BCAS3: variants seen among roughly 807,000 people sequenced by gnomAD.
BCAS3 encodes the protein BCAS4/BCAS3 fusion.
In BCAS3, 53 loss-of-function variants were observed where a neutral mutation model predicts 116.1. That is an observed-to-expected ratio of 0.46 (90% CI 0.37 to 0.57). The LOEUF is 0.57. Among genes scored for constraint, BCAS3 ranks in the 20% least tolerant of loss-of-function variants. BCAS3 has a pLI of 0.00. For synonymous variants in BCAS3, 391 were observed against 408.2 expected, an observed-to-expected ratio of 0.96 and a Z score of 0.51; for missense variants, 917 against 1,165.4, an observed-to-expected ratio of 0.79 and a Z score of 3.10.
intron 4 of BCAS3, among the ~76,000 whole-genome samples, chr17:60,704,150 G>A (rs960083943): frequency 2.0e-5 from 3 of 152,114 alleles, no homozygotes; most frequent in African/African-American, 7.2e-5. Context: ...GGCAGCAGGG[G>A]AGTTCCCAGA....
In BCAS3 at chr17:61,180,809, G is replaced by A. The variant is rs1021716157; in HGVS notation, c.2425+96245G>A. On this transcript the variant is annotated intron_variant, in intron 22 of 23. Coordinates refer to ENST00000407086, the MANE Select transcript of BCAS3 (RefSeq NM_017679.5). The surrounding 1 kb of genome is among the most constrained non-coding windows in gnomAD (Gnocchi z 6.0). Reference sequence around the variant, plus strand: ...AGCACTTGAAATGAGGGGGAAATAAGACAACCATGTAGAGCCTGAGAATAG... The same window carrying A: ...AGCACTTGAAATGAGGGGGAAATAAAACAACCATGTAGAGCCTGAGAATAG... 1.8e-4 allele frequency among the ~76,000 whole-genome samples: 27 copies of A among 152,208 alleles called. No individual in the cohort carries two copies. Among genetic ancestry groups the A allele is most frequent in the African/African-American group, 6.0e-4 (25 of 41,462 alleles).
intron 5 of BCAS3, among the ~76,000 whole-genome samples, chr17:60,744,565 G>T (rs1199671438): frequency 6.6e-6 from 1 of 152,002 alleles, no homozygotes; most frequent in Non-Finnish European, 1.5e-5. Flanking sequence ...TTCTCTCCTC[G>T]AGGAAGTTTG....
intron 13 of BCAS3, among the ~76,000 whole-genome samples, chr17:60,933,581 A>G (rs1156530685): frequency 3.9e-5 from 6 of 152,192 alleles, no homozygotes; most frequent in African/African-American, 1.4e-4. Flanking sequence ...TGGTTACTTA[A>G]ATGATACATA....
At chr17:61,109,022 C>T (rs1291947344) in intron 22 of BCAS3, among the ~76,000 whole-genome samples, 2 of 151,868 alleles carry the variant, frequency 1.3e-5, no homozygotes, top group South Asian at 2.1e-4. Context: ...CCTGTCTCTA[C>T]TAAAAATACA....
At chr17:61,050,681 A>G (rs1177652767) in intron 19 of BCAS3, among the ~76,000 whole-genome samples, 1 of 152,052 alleles carries the variant, frequency 6.6e-6, no homozygotes. Flanking sequence ...TTATAAACGG[A>G]CATTCTAATA....
At chr17:60,908,414 TTAAAAC>T (rs1445681423) in intron 11 of BCAS3, among the ~76,000 whole-genome samples, 2 of 152,196 alleles carry the variant, frequency 1.3e-5, no homozygotes, top group Non-Finnish European at 2.9e-5. Flanking sequence ...ACCAAAGACT[TTAAAAC>T]TAAAAGGCAT....
At chr17:60,698,273 A>C (rs1474348053) in intron 4 of BCAS3, among the ~76,000 whole-genome samples, 1 of 152,056 alleles carries the variant, frequency 6.6e-6, no homozygotes, top group Non-Finnish European at 1.5e-5. Flanking sequence ...AAAGCCAAGG[A>C]AAAAGGATTT....
chr17:61,111,217 C>T lies in BCAS3; in HGVS notation c.2425+26653C>T, dbSNP rs1181729383. 3.3e-5 allele frequency among the ~76,000 whole-genome samples: 5 copies of T among 152,198 alleles called. No homozygotes were observed. In the East Asian group the frequency reaches 5.8e-4, roughly 18 times the overall value. ...AAGGAACGCAGTTCCTCACCAGCAACGGAACAAAGGTGGATGGAGAATGAC... is the reference window on the plus strand; with the variant it reads ...AAGGAACGCAGTTCCTCACCAGCAATGGAACAAAGGTGGATGGAGAATGAC... On this transcript the variant is annotated intron_variant, in intron 22 of 23. Coordinates refer to ENST00000407086, the MANE Select transcript of BCAS3 (RefSeq NM_017679.5).
chr17:60,923,469 A>G (rs578215475), intron 12 of BCAS3, among the ~76,000 whole-genome samples: 3 of 152,350 alleles, frequency 2.0e-5, no homozygotes, highest in Admixed American at 6.5e-5. Flanking sequence ...CTTTCAGGGC[A>G]GGAATAACAT....
At position 61,128,123 on chromosome 17, in the gene BCAS3, T is replaced by C; in HGVS notation, c.2425+43559T>C. 1.1e-6 allele frequency: 1 copy of C among 937,844 alleles called. No individual in the cohort carries two copies. Among genetic ancestry groups the C allele is most frequent in the Non-Finnish European group, 1.3e-6 (1 of 786,598 alleles). 58.1% of individuals were successfully genotyped at this position (937,844 alleles called of 1,614,324 possible). On this transcript the variant is annotated intron_variant, in intron 22 of 23. Transcript: ENST00000407086. This position sits in a 1 kb window ranked among gnomAD's most constrained non-coding sequence, Gnocchi z 4.1. ...GCTTTTCTTTTAAAGAACCCATTCATTTTAGAGATTCCTTGATACTGTAAA... is the reference window on the plus strand; with the variant it reads ...GCTTTTCTTTTAAAGAACCCATTCACTTTAGAGATTCCTTGATACTGTAAA...
At chr17:60,980,525 T>C (rs2062735906) in intron 14 of BCAS3, 1 of 150,700 alleles carries the variant, frequency 6.6e-6, no homozygotes, top group African/African-American at 2.5e-5. Context: ...ACTTTCTTAA[T>C]GGTATTCTTT....
chr17:61,022,123 A>G (rs1366382963), intron 16 of BCAS3, among the ~76,000 whole-genome samples: 3 of 152,240 alleles, frequency 2.0e-5, no homozygotes, highest in Non-Finnish European at 4.4e-5. Context: ...AATATATTTA[A>G]CATAGTTTGA....
intron 22 of BCAS3, among the ~76,000 whole-genome samples, chr17:61,336,381 A>G (rs1316397452): frequency 1.3e-5 from 2 of 152,202 alleles, no homozygotes; most frequent in Non-Finnish European, 2.9e-5. Context: ...TGGATATTAA[A>G]TATCGGAACA....
intron 22 of BCAS3, among the ~76,000 whole-genome samples, chr17:61,260,722 T>G (rs1211920398): frequency 1.3e-5 from 2 of 152,226 alleles, no homozygotes; most frequent in African/African-American, 4.8e-5. Flanking sequence ...GAGAGACACT[T>G]TGTACCGACT....
At chr17:60,717,664 T>C (rs752020254) in intron 5 of BCAS3, among the ~76,000 whole-genome samples, 4 of 152,182 alleles carry the variant, frequency 2.6e-5, no homozygotes, top group Non-Finnish European at 5.9e-5. Flanking sequence ...ATTTCAAATA[T>C]ACAGCAAAGT....
chr17:60,988,754 C>T (rs556727733), intron 14 of BCAS3, among the ~76,000 whole-genome samples: 21 of 151,648 alleles, frequency 1.4e-4, no homozygotes, highest in African/African-American at 4.4e-4. Context: ...CCTTTTTCAT[C>T]TCTGATTTTA....
Position 60,811,390 on chromosome 17 carries a change from G to T in BCAS3, c.476+3314G>T, listed in dbSNP as rs561401344. On this transcript the variant is annotated intron_variant, in intron 7 of 23. Transcript: ENST00000407086. Reference sequence around the variant, plus strand: ...GCAACTCCAGGCAAACCATCCAGAAGACCACCTCTCCCAGGATAGTGGATG... The same window carrying T: ...GCAACTCCAGGCAAACCATCCAGAATACCACCTCTCCCAGGATAGTGGATG... The T allele has an allele frequency of 4.6e-4, 282 of 614,362 alleles. 2 individuals are homozygous for T. The highest frequency in any genetic ancestry group is 3.6e-4 in the South Asian group (25 of 69,632). 38.1% of individuals were successfully genotyped at this position (614,362 alleles called of 1,614,324 possible). A position where few individuals can be genotyped will look rare whatever the true frequency, so the allele number is the denominator to read the frequency against.
intron 6 of BCAS3, among the ~76,000 whole-genome samples, chr17:60,770,400 CTTTTTTTTTTTTTT>C (rs35691381): frequency 7.2e-4 from 55 of 76,894 alleles, no homozygotes; most frequent in East Asian, 3.6e-3. Flanking sequence ...AGTGTTCCCT[CTTTTTTTTTTTTTT>C]TTTTTTTTTT....
At chr17:60,765,332 T>C (rs914678183) in intron 6 of BCAS3, among the ~76,000 whole-genome samples, 8 of 152,160 alleles carry the variant, frequency 5.3e-5, no homozygotes, top group Non-Finnish European at 8.8e-5. Flanking sequence ...CTGGTACCGG[T>C]TGTTCCTTTC....
Sources: gnomAD v4.1 joint callset for allele counts (sites outside exome capture counted in the v4.1 genomes callset) on GRCh38, gnomAD v4.1.1 for gene constraint, Gnocchi (gnomAD v3.1) non-coding constraint, MANE v1.5 for transcripts, NCBI Gene and HGNC (gene_info 2026-07-23, HGNC 2026-07-21) for gene names.